The following CDK14 variants were observed in gnomAD, a reference collection of about 807,000 sequenced individuals.
The protein encoded by CDK14 is cyclin-dependent kinase 14.
CDK14 carries 34 observed loss-of-function variants against 60.7 expected under a neutral mutation model. The ratio of observed to expected loss-of-function variants is 0.56; its 90% confidence interval spans 0.43 to 0.75. The LOEUF (loss-of-function observed/expected upper bound fraction) is 0.75, where lower values mean the gene tolerates loss of function less well. Ranked by LOEUF, CDK14 falls within the 30% of genes least tolerant of loss-of-function variation. The pLI is 0.00. For synonymous variants in CDK14, 197 were observed against 203.7 expected, an observed-to-expected ratio of 0.97 and a Z score of 0.28; for missense variants, 482 against 564.1, an observed-to-expected ratio of 0.85 and a Z score of 1.47.
chr7:91,075,832 A>G (rs1798290025), intron 11 of CDK14, among the ~76,000 whole-genome samples: 1 of 152,186 alleles, frequency 6.6e-6, no homozygotes, highest in Non-Finnish European at 1.5e-5. Flanking sequence ...CAATAGACAA[A>G]CAGAGAGACA....
chr7:90,636,947 G>C (rs951925991), intron 2 of CDK14, among the ~76,000 whole-genome samples: 4 of 150,748 alleles, frequency 2.7e-5, no homozygotes, highest in African/African-American at 9.8e-5. Context: ...ATTCTCTGAT[G>C]GTAGTTTGTA....
chr7:91,030,426 C>A (rs928935892), intron 10 of CDK14, among the ~76,000 whole-genome samples: 2 of 152,148 alleles, frequency 1.3e-5, no homozygotes, highest in Admixed American at 6.5e-5. Context: ...GCAATAGTTA[C>A]TGTGGGCATA....
At chr7:90,943,023 A>G (rs567892740) in intron 8 of CDK14, among the ~76,000 whole-genome samples, 4 of 152,080 alleles carry the variant, frequency 2.6e-5, no homozygotes, top group African/African-American at 4.8e-5. Flanking sequence ...ACCTATTTCT[A>G]TGGCTCAAGT....
chr7:91,207,738 T>C lies in CDK14; in HGVS notation c.*602T>C, dbSNP rs1275756793. Reference sequence around the variant, plus strand: ...TGAGGTAATTTTGCAAATGTGGTTTTTTTACTTGGAAATAACTGCACATTT... The same window carrying C: ...TGAGGTAATTTTGCAAATGTGGTTTCTTTACTTGGAAATAACTGCACATTT... On this transcript the variant is annotated 3_prime_UTR_variant, in exon 15 of 15. Coordinates refer to ENST00000380050, the MANE Select transcript of CDK14 (RefSeq NM_001287135.2). 1 of 152,692 alleles carries C rather than the reference T, an allele frequency of 6.5e-6. No individual in the cohort carries two copies. Among genetic ancestry groups the C allele is most frequent in the Non-Finnish European group, 1.5e-5 (1 of 68,052 alleles). The allele number at this position is 152,692 out of a possible 1,614,324, so 9.5% of individuals were successfully genotyped here.
chr7:91,182,940 A>T (rs1802048390), intron 14 of CDK14, among the ~76,000 whole-genome samples: 1 of 152,222 alleles, frequency 6.6e-6, no homozygotes, highest in Non-Finnish European at 1.5e-5. Flanking sequence ...GCCTGTGCTC[A>T]TTACACTAGC....
intron 11 of CDK14, among the ~76,000 whole-genome samples, chr7:91,068,681 G>T (rs1011438426): frequency 6.6e-6 from 1 of 151,674 alleles, no homozygotes; most frequent in Non-Finnish European, 1.5e-5. Flanking sequence ...GCATTCACTC[G>T]GTTCCCATAG....
chr7:90,722,204 CTTTTTGA>C (rs1438218577), intron 2 of CDK14, among the ~76,000 whole-genome samples: 3 of 151,026 alleles, frequency 2.0e-5, no homozygotes, highest in Non-Finnish European at 4.4e-5. Flanking sequence ...TCCCTTTTCC[CTTTTTGA>C]GATAGGGTCT....
At chr7:90,934,342 A>G (rs1411802498) in intron 8 of CDK14, among the ~76,000 whole-genome samples, 2 of 152,260 alleles carry the variant, frequency 1.3e-5, no homozygotes, top group Admixed American at 6.5e-5. Flanking sequence ...TGGCAGATCA[A>G]AGGAGGCCAG....
intron 10 of CDK14, among the ~76,000 whole-genome samples, chr7:90,998,205 T>G (rs1303345238): frequency 6.6e-6 from 1 of 152,210 alleles, no homozygotes; most frequent in Admixed American, 6.5e-5. Flanking sequence ...TAATGTGTTT[T>G]TTGTTTATCT....
intron 8 of CDK14, among the ~76,000 whole-genome samples, chr7:90,950,975 A>G (rs1251597605): frequency 9.1e-6 from 1 of 109,582 alleles, no homozygotes; most frequent in African/African-American, 3.3e-5. Flanking sequence ...ACATCATAAG[A>G]TATTTAATAT....
At chr7:90,699,821 G>C (rs180978710) in intron 2 of CDK14, among the ~76,000 whole-genome samples, 310 of 152,288 alleles carry the variant, frequency 2.0e-3, no homozygotes, top group Non-Finnish European at 4.0e-3. Flanking sequence ...AGGTACCTCT[G>C]TGTTTCATGT....
chr7:90,900,784 A>T (rs562136557), intron 7 of CDK14, among the ~76,000 whole-genome samples: 69 of 152,282 alleles, frequency 4.5e-4, no homozygotes, highest in Non-Finnish European at 8.4e-4. Flanking sequence ...TAAATAACTG[A>T]TTGAATCTTT....
At chr7:91,136,664 G>A (rs745556409) in intron 14 of CDK14, among the ~76,000 whole-genome samples, 5 of 152,046 alleles carry the variant, frequency 3.3e-5, no homozygotes, top group African/African-American at 4.8e-5. Flanking sequence ...AAATATGTAC[G>A]TATTTACATA....
chr7:90,605,854 G>A (rs1014041360), intron 2 of CDK14, among the ~76,000 whole-genome samples: 5 of 151,944 alleles, frequency 3.3e-5, no homozygotes, highest in East Asian at 3.8e-4. Context: ...TAGGCATTTC[G>A]AAAACCTTTT....
chr7:90,948,742 C>T (rs1356406581), intron 8 of CDK14, among the ~76,000 whole-genome samples: 5 of 152,198 alleles, frequency 3.3e-5, no homozygotes, highest in African/African-American at 9.6e-5. Flanking sequence ...TTTGCTGACC[C>T]CAGATCTCAG....
intron 2 of CDK14, among the ~76,000 whole-genome samples, chr7:90,669,021 C>T (rs890625034): frequency 1.3e-5 from 2 of 152,048 alleles, no homozygotes; most frequent in Admixed American, 6.6e-5. Context: ...TGGCCTCACA[C>T]ACTTAAAAGT....
At chr7:90,819,620 T>G (rs117856149) in intron 5 of CDK14, among the ~76,000 whole-genome samples, 320 of 152,268 alleles carry the variant, frequency 2.1e-3, no homozygotes, top group Non-Finnish European at 4.0e-3. Context: ...AAGACATTAC[T>G]TGAAGATTTT....
At chr7:90,607,092 G>A (rs1489548463) in intron 2 of CDK14, among the ~76,000 whole-genome samples, 1 of 152,124 alleles carries the variant, frequency 6.6e-6, no homozygotes, top group Admixed American at 6.5e-5. Flanking sequence ...TCACGCTTAT[G>A]AACTATACAA....
intron 14 of CDK14, among the ~76,000 whole-genome samples, chr7:91,148,745 G>T (rs890935106): frequency 6.6e-6 from 1 of 152,144 alleles, no homozygotes; most frequent in Admixed American, 6.5e-5. Flanking sequence ...GCCGCTGGTG[G>T]GATGTCTTCC....
Sources: gnomAD v4.1 joint callset for allele counts (sites outside exome capture counted in the v4.1 genomes callset) on GRCh38, gnomAD v4.1.1 for gene constraint, MANE v1.5 for transcripts, NCBI Gene and HGNC (gene_info 2026-07-23, HGNC 2026-07-21) for gene names.